Variants in DTNBP1 observed in about 807,000 individuals in gnomAD.
DTNBP1 encodes the protein dystrobrevin binding protein 1.
DTNBP1 carries 35 observed loss-of-function variants against 42.8 expected under a neutral mutation model. The observed-to-expected ratio is 0.82, with a 90% CI of 0.63 to 1.09. The LOEUF is 1.09. Ranked by LOEUF, DTNBP1 falls within the 50% of genes least tolerant of loss-of-function variation. The probability of loss-of-function intolerance (pLI) is 0.00; values close to 1 mark genes in which losing one functional copy is unlikely to be tolerated. For synonymous variants in DTNBP1, 171 were observed against 162.2 expected, an observed-to-expected ratio of 1.05 and a Z score of -0.41; for missense variants, 457 against 424.2, an observed-to-expected ratio of 1.08 and a Z score of -0.68.
Position 15,652,042 on chromosome 6 carries a change from T to G in DTNBP1, c.110+45A>C, listed in dbSNP as rs747817438. 1.0e-4 allele frequency: 163 copies of G among 1,564,430 alleles called. 1 individual carries two copies. The highest frequency in any genetic ancestry group is 1.4e-5 in the African/African-American group (1 of 73,876). On this transcript the variant is annotated intron_variant, in intron 2 of 9. Transcript: ENST00000344537. ...AATTGTGAATACACCAAAAGTTGTATGAAATTTAAGTCACAGTTAAGTTAA... is the reference window on the plus strand; with the variant it reads ...AATTGTGAATACACCAAAAGTTGTAGGAAATTTAAGTCACAGTTAAGTTAA...
At chr6:15,552,456 C>T (rs906832816) in intron 7 of DTNBP1, among the ~76,000 whole-genome samples, 2 of 152,142 alleles carry the variant, frequency 1.3e-5, no homozygotes, top group Non-Finnish European at 2.9e-5. Context: ...TTTAACACAT[C>T]CAAGATATTA....
At chr6:15,611,691 A>G (rs546858503) in intron 6 of DTNBP1, among the ~76,000 whole-genome samples, 5 of 152,368 alleles carry the variant, frequency 3.3e-5, no homozygotes, top group African/African-American at 9.6e-5. Flanking sequence ...TCCAACCCTC[A>G]TGGATGACTC....
At chr6:15,547,729 T>C (rs939231525) in intron 7 of DTNBP1, among the ~76,000 whole-genome samples, 4 of 152,288 alleles carry the variant, frequency 2.6e-5, no homozygotes, top group African/African-American at 7.2e-5. Context: ...GTGGAATCCA[T>C]TACCAGTCCC....
intron 7 of DTNBP1, among the ~76,000 whole-genome samples, chr6:15,536,745 G>T (rs528864148): frequency 6.6e-6 from 1 of 152,348 alleles, no homozygotes; most frequent in East Asian, 1.9e-4. Context: ...GCTGTGAGAA[G>T]AGGGCCACTG....
intron 7 of DTNBP1, chr6:15,546,060 G>GTTTTTT: frequency 2.8e-6 from 1 of 354,216 alleles, no homozygotes; most frequent in Non-Finnish European, 5.2e-6. Flanking sequence ...GTCACCTCCA[G>GTTTTTT]TTCTTTTTTT....
rs556716693 is a variant in DTNBP1, at chr6:15,587,691, T to C, written c.511+5368A>G. Among the ~76,000 whole-genome samples, 9 of 152,314 alleles carry C rather than the reference T, an allele frequency of 5.9e-5. No homozygotes were observed. The highest frequency in any genetic ancestry group is 1.7e-4 in the African/African-American group (7 of 41,570). ...AGGCTTGTGAGGGAGACTTCGGGCA[T>C]GGTGCAGCCTAGAGCCCCAAGGTCT... On this transcript the variant is annotated intron_variant, in intron 7 of 9. Coordinates refer to ENST00000344537, the MANE Select transcript of DTNBP1 (RefSeq NM_032122.5). The surrounding 1 kb of genome is among the most constrained non-coding windows in gnomAD (Gnocchi z 4.1).
chr6:15,552,052 G>T (rs1288021724), intron 7 of DTNBP1, among the ~76,000 whole-genome samples: 1 of 152,196 alleles, frequency 6.6e-6, no homozygotes, highest in Non-Finnish European at 1.5e-5. Flanking sequence ...ATGGCTAAAA[G>T]TGGGAGCAGG....
At position 15,663,024 on chromosome 6, in the gene DTNBP1, A is replaced by G. The variant is rs1761748414; in HGVS notation, c.-155T>C. The G allele has an allele frequency of 9.8e-7, 1 of 1,015,662 alleles. No homozygotes were observed. The allele number at this position is 1,015,662 out of a possible 1,614,324, so 62.9% of individuals were successfully genotyped here. The stretch of plus-strand genomic sequence containing the variant: ...GTCTGGTCCTCGCCGCCGCGCCGCA[A>G]CCCCAGCCCCTTCCGCGTTCCCGCC... On this transcript the variant is annotated 5_prime_UTR_variant, in exon 1 of 10. Transcript: ENST00000344537.
rs1170586250 is a variant in DTNBP1 at position 15,627,986 on chromosome 6, T to C, written c.223-511A>G. Among the ~76,000 whole-genome samples the C allele has an allele frequency of 2.6e-5, 4 of 152,206 alleles. No individual in the cohort carries two copies. In the East Asian group the frequency reaches 7.7e-4, roughly 29 times the overall value. ...ATTGCATAAAGTATATAAAGGAATT[T>C]TGAGGAAACTGGCCAATTCCAGAAT... On this transcript the variant is annotated intron_variant, in intron 4 of 9. Transcript: ENST00000344537.
chr6:15,635,031 A>G (rs1041478805), intron 4 of DTNBP1, among the ~76,000 whole-genome samples: 2 of 152,170 alleles, frequency 1.3e-5, no homozygotes, highest in Non-Finnish European at 2.9e-5. Flanking sequence ...TCTTGACAAC[A>G]GTTTGAAAAG....
At chr6:15,530,069 A>G (rs181186830) in intron 8 of DTNBP1, among the ~76,000 whole-genome samples, 5 of 152,400 alleles carry the variant, frequency 3.3e-5, no homozygotes, top group African/African-American at 1.2e-4. Flanking sequence ...CCTTGTCTTA[A>G]TTAAGAAATG....
Position 15,533,125 on chromosome 6 carries a change from T to A in DTNBP1, c.667+115A>T, listed in dbSNP as rs139290329. 1,695 of 1,526,464 alleles carry A rather than the reference T, an allele frequency of 1.1e-3. 8 individuals carry two copies. In the African/African-American group the frequency reaches 0.018, roughly 16 times the overall value. The allele number at this position is 1,526,464 out of a possible 1,614,324, so 94.6% of individuals were successfully genotyped here. On this transcript the variant is annotated intron_variant, in intron 8 of 9. Transcript: ENST00000344537. ...ACACATTTTGGTTGCTGGGGTCTCA[T>A]AACAGAACGGAACTTCTGAGGATTC...
intron 5 of DTNBP1, among the ~76,000 whole-genome samples, chr6:15,627,116 T>C (rs985091471): frequency 1.3e-5 from 2 of 152,194 alleles, no homozygotes; most frequent in Admixed American, 6.5e-5. Context: ...AACATAATTA[T>C]AATTATGTGT....
chr6:15,590,876 T>G (rs1380915469), intron 7 of DTNBP1, among the ~76,000 whole-genome samples: 1 of 152,204 alleles, frequency 6.6e-6, no homozygotes, highest in Non-Finnish European at 1.5e-5. Context: ...ATTTGGTATT[T>G]TGGTTCTCAA....
chr6:15,652,002 T>C (rs1430214265), intron 2 of DTNBP1, 85 bp downstream of exon 2: 2 of 1,196,768 alleles, frequency 1.7e-6, no homozygotes, highest in South Asian at 1.3e-5. Flanking sequence ...CTAAGGTTCA[T>C]TAATATAACT....
intron 7 of DTNBP1, among the ~76,000 whole-genome samples, chr6:15,573,254 C>A (rs1168015429): frequency 6.6e-6 from 1 of 152,032 alleles, no homozygotes. Context: ...TCTTTTACAT[C>A]TTTATCACCA....
intron 2 of DTNBP1, 28 bp from the exon 3 acceptor site, chr6:15,651,391 T>C: frequency 6.2e-7 from 1 of 1,609,724 alleles, no homozygotes; most frequent in East Asian, 2.2e-5. Flanking sequence ...TTATTAAAAC[T>C]GTTCTTGATT....
chr6:15,551,314 G>C (rs1222275783), intron 7 of DTNBP1, among the ~76,000 whole-genome samples: 2 of 152,168 alleles, frequency 1.3e-5, no homozygotes, highest in Non-Finnish European at 2.9e-5. Context: ...TCAAAATAGT[G>C]TTCAGAGATT....
intron 6 of DTNBP1, among the ~76,000 whole-genome samples, chr6:15,605,849 C>CG (rs755213377): frequency 6.6e-6 from 1 of 152,162 alleles, no homozygotes; most frequent in African/African-American, 2.4e-5. Context: ...GTTTGAGTAC[C>CG]TGTCTTTGCC....
Sources: gnomAD v4.1 joint callset for allele counts (sites outside exome capture counted in the v4.1 genomes callset) on GRCh38, gnomAD v4.1.1 for gene constraint, Gnocchi (gnomAD v3.1) non-coding constraint, MANE v1.5 for transcripts, NCBI Gene and HGNC (gene_info 2026-07-23, HGNC 2026-07-21) for gene names.